The following AGL variants were observed in gnomAD, a reference collection of about 807,000 sequenced individuals.
AGL encodes the protein glycogen debranching enzyme.
AGL carries 128 observed loss-of-function variants against 199.3 expected under a neutral mutation model. The ratio of observed to expected loss-of-function variants is 0.64; its 90% CI spans 0.56 to 0.74. AGL has a LOEUF of 0.74. Ranked by LOEUF, AGL falls within the 30% of genes least tolerant of loss-of-function variation. The pLI is 0.00. For synonymous variants in AGL, 584 were observed against 594.7 expected (o/e 0.98, Z 0.26); for missense variants, 1,809 against 1,820.8 (o/e 0.99, Z 0.12).
chr1:99,871,320 T>A (rs1244650186), intron 7 of AGL, among the ~76,000 whole-genome samples: 3 of 151,720 alleles, frequency 2.0e-5, no homozygotes, highest in African/African-American at 7.3e-5. Context: ...ACCTAACCAC[T>A]AGTGATATTG....
chr1:99,856,593 C>T (rs975717344), intron 2 of AGL, among the ~76,000 whole-genome samples: 12 of 151,968 alleles, frequency 7.9e-5, no homozygotes, highest in Non-Finnish European at 1.5e-4. Flanking sequence ...ACCCTGCGGC[C>T]TTCCACAGTG....
At chr1:99,881,854 C>T (rs1652060439) in intron 17 of AGL, among the ~76,000 whole-genome samples, 163 bp downstream of exon 17, 1 of 151,946 alleles carries the variant, frequency 6.6e-6, no homozygotes, top group African/African-American at 2.4e-5. Context: ...GTAACTTGGC[C>T]AGGTATGATG....
At position 99,861,410 on chromosome 1, in the gene AGL, C is replaced by G. The variant is rs41285736; in HGVS notation, c.83-93C>G. 24,638 of 1,576,578 alleles carry G rather than the reference C, an allele frequency of 0.016. 240 individuals carry two copies. The highest frequency in any genetic ancestry group is 0.047 in the Middle Eastern group (248 of 5,238). On this transcript the variant is annotated intron_variant, in intron 2 of 33. Transcript: ENST00000361915. Reference sequence around the variant, plus strand: ...GTTATTTTAAACATAATTGAAAAATCAAGGTTTTTTAATACTTTAAATAAA... The same window carrying G: ...GTTATTTTAAACATAATTGAAAAATGAAGGTTTTTTAATACTTTAAATAAA...
chr1:99,880,427 T>C (rs914596653), intron 13 of AGL, among the ~76,000 whole-genome samples: 5 of 152,238 alleles, frequency 3.3e-5, no homozygotes, highest in African/African-American at 1.2e-4. Context: ...CCCTTTTCCT[T>C]ACATGAGCCA....
chr1:99,850,892 C>T (rs1648894375), intron 1 of AGL, 83 bp from the exon 2 acceptor site: 2 of 738,436 alleles, frequency 2.7e-6, no homozygotes, highest in African/African-American at 1.8e-5. Context: ...AAACACACTT[C>T]GAACATGTAA....
chr1:99,881,761 G>A, intron 17 of AGL, 70 bp downstream of exon 17: 1 of 1,285,330 alleles, frequency 7.8e-7, no homozygotes, highest in Non-Finnish European at 1.1e-6. Context: ...GTAATGTTAT[G>A]GTTATATATC....
chr1:99,856,344 C>CTCCA (rs1649441398), intron 2 of AGL, among the ~76,000 whole-genome samples: 1 of 99,702 alleles, frequency 1.0e-5, no homozygotes, highest in African/African-American at 3.4e-5. Context: ...CCCTCCCTCC[C>CTCCA]TCCCTCCCTC....
At chr1:99,870,089 A>T (rs1309387004) in intron 5 of AGL, among the ~76,000 whole-genome samples, 1 of 152,194 alleles carries the variant, frequency 6.6e-6, no homozygotes, top group Non-Finnish European at 1.5e-5. Context: ...CAACTTATCA[A>T]AACAACGTAT....
At chr1:99,864,762 C>T (rs1650366698) in intron 5 of AGL, among the ~76,000 whole-genome samples, 173 bp downstream of exon 5, 1 of 152,108 alleles carries the variant, frequency 6.6e-6, no homozygotes, top group Non-Finnish European at 1.5e-5. Flanking sequence ...AATATTTTTC[C>T]TTTCAAAGAA....
In AGL at chr1:99,881,455, A is replaced by G. The variant is rs933736575; in HGVS notation, c.2157+8A>G. 1 of 1,614,098 alleles carries G rather than the reference A, an allele frequency of 6.2e-7. No individual in the cohort carries two copies. Among genetic ancestry groups the G allele is most frequent in the Non-Finnish European group, 8.5e-7 (1 of 1,179,982 alleles). On this transcript the variant is annotated splice_region_variant and intron_variant, in intron 16 of 33. Transcript: ENST00000361915. ...GCCAAGGGTTTTATTCAGGCAAGAAATAATTAAATTTGTTTCTTCAGGTTC... is the reference window on the plus strand; with the variant it reads ...GCCAAGGGTTTTATTCAGGCAAGAAGTAATTAAATTTGTTTCTTCAGGTTC...
intron 24 of AGL, among the ~76,000 whole-genome samples, chr1:99,893,727 TAAAC>T (rs1653087852): frequency 6.6e-6 from 1 of 152,206 alleles, no homozygotes; most frequent in South Asian, 2.1e-4. Context: ...ATTAAGTTGA[TAAAC>T]AAATACAAAT....
chr1:99,850,472 C>T (rs535096205), intron 1 of AGL, 57 bp downstream of exon 1: 3 of 155,046 alleles, frequency 1.9e-5, no homozygotes, highest in South Asian at 3.9e-4. Flanking sequence ...CTATCTATAG[C>T]TCGCTCTGTA....
At chr1:99,873,430 GTTC>G (rs1376571081) in intron 7 of AGL, among the ~76,000 whole-genome samples, 2 of 142,130 alleles carry the variant, frequency 1.4e-5, no homozygotes, top group Non-Finnish European at 1.5e-5. Flanking sequence ...TCTTGGCAGT[GTTC>G]TTTTTTTTTT....
chr1:99,907,034 C>A (rs1570496601), intron 27 of AGL, among the ~76,000 whole-genome samples: 1 of 152,078 alleles, frequency 6.6e-6, no homozygotes, highest in South Asian at 2.1e-4. Context: ...ATTTTCTGTT[C>A]TTTTGATAGT....
chr1:99,891,094 G>T, intron 21 of AGL, 126 bp from the exon 22 acceptor site: 2 of 1,158,142 alleles, frequency 1.7e-6, no homozygotes, highest in South Asian at 2.5e-5. Context: ...GGTAGCCCTT[G>T]TGTGTGCCTC....
chr1:99,871,063 A>G (rs965652180), intron 7 of AGL, among the ~76,000 whole-genome samples, 194 bp downstream of exon 7: 3 of 152,250 alleles, frequency 2.0e-5, no homozygotes, highest in Non-Finnish European at 2.9e-5. Flanking sequence ...ATAATAATAC[A>G]TAACACAATT....
intron 31 of AGL, among the ~76,000 whole-genome samples, chr1:99,915,773 AACAC>A (rs951988452): frequency 1.3e-5 from 2 of 150,728 alleles, no homozygotes; most frequent in Non-Finnish European, 3.0e-5. Flanking sequence ...ACTGTATTAA[AACAC>A]ACACACACAC....
intron 24 of AGL, among the ~76,000 whole-genome samples, chr1:99,894,609 A>G (rs1196698395): frequency 1.3e-5 from 2 of 152,216 alleles, no homozygotes; most frequent in Non-Finnish European, 2.9e-5. Context: ...TTTTGGAGAC[A>G]ACATAGGTAG....
intron 4 of AGL, among the ~76,000 whole-genome samples, chr1:99,863,578 G>A (rs1406263735): frequency 6.6e-6 from 1 of 151,558 alleles, no homozygotes; most frequent in African/African-American, 2.4e-5. Context: ...TCAGCCTCCC[G>A]AGTAGCTTGG....
Sources: gnomAD v4.1 joint callset for allele counts (sites outside exome capture counted in the v4.1 genomes callset) on GRCh38, gnomAD v4.1.1 for gene constraint, MANE v1.5 for transcripts, NCBI Gene and HGNC (gene_info 2026-07-23, HGNC 2026-07-21) for gene names.